IL1RAPL2: variants seen among roughly 807,000 people sequenced by gnomAD.
The protein encoded by IL1RAPL2 is interleukin 1 receptor accessory protein like 2.
A neutral mutation model predicts 44.1 loss-of-function variants in IL1RAPL2; 3 were observed. The observed-to-expected ratio is 0.07, with a 90% CI of 0.03 to 0.18. The LOEUF (loss-of-function observed/expected upper bound fraction) is 0.18. IL1RAPL2 is among the 10% of genes least tolerant of loss of function. The pLI is 1.00. For synonymous variants in IL1RAPL2, 181 were observed against 178.8 expected, an observed-to-expected ratio of 1.01 and a Z score of -0.10; for missense variants, 391 against 496.4, an observed-to-expected ratio of 0.79 and a Z score of 2.02.
chrX:105,708,659 T>C (rs771258920), intron 6 of IL1RAPL2, among the ~76,000 whole-genome samples: 27 of 112,044 alleles, frequency 2.4e-4, no homozygotes, highest in African/African-American at 8.4e-4. Flanking sequence ...TTTACTACTC[T>C]CTTGTCTAGC....
intron 6 of IL1RAPL2, among the ~76,000 whole-genome samples, chrX:105,597,400 G>A (rs780885783): frequency 9.0e-6 from 1 of 111,483 alleles, no homozygotes; most frequent in Admixed American, 9.6e-5. Context: ...AAAGAGAAAA[G>A]ATTTAATTGG....
At chrX:104,940,124 G>A (rs1413647064) in intron 2 of IL1RAPL2, among the ~76,000 whole-genome samples, 1 of 111,683 alleles carries the variant, frequency 9.0e-6, no homozygotes, top group Admixed American at 9.5e-5. Context: ...TCTCAATAAA[G>A]CTGATAAAAA....
At chrX:104,929,742 G>T (rs1051861321) in intron 2 of IL1RAPL2, among the ~76,000 whole-genome samples, 15 of 110,995 alleles carry the variant, frequency 1.4e-4, no homozygotes, top group Non-Finnish European at 2.6e-4. Flanking sequence ...AGATCTGCTT[G>T]GTATCTCCAT....
chrX:105,221,965 T>C (rs1452351928), intron 3 of IL1RAPL2, among the ~76,000 whole-genome samples: 1 of 111,638 alleles, frequency 9.0e-6, no homozygotes, highest in Non-Finnish European at 1.9e-5. Context: ...CCATGTTTCT[T>C]CTCAAATAAT....
chrX:104,941,650 G>A (rs964827775), intron 2 of IL1RAPL2, among the ~76,000 whole-genome samples: 5 of 111,086 alleles, frequency 4.5e-5, no homozygotes, highest in Non-Finnish European at 7.5e-5. Context: ...TCTGTAGATC[G>A]CCTGTTCACT....
intron 8 of IL1RAPL2, among the ~76,000 whole-genome samples, chrX:105,748,029 T>C (rs774454432): frequency 9.0e-6 from 1 of 111,684 alleles, no homozygotes; most frequent in Non-Finnish European, 1.9e-5. Context: ...GTATTTTTCC[T>C]ATGGACATTG....
chrX:104,622,268 C>T (rs1319008054), intron 1 of IL1RAPL2, among the ~76,000 whole-genome samples: 1 of 109,575 alleles, frequency 9.1e-6, no homozygotes, highest in Non-Finnish European at 1.9e-5. Context: ...TTTTTCCCCT[C>T]CTGGTGTCGG....
intron 6 of IL1RAPL2, among the ~76,000 whole-genome samples, chrX:105,573,139 G>T (rs1327203582): frequency 9.0e-6 from 1 of 111,303 alleles, no homozygotes; most frequent in African/African-American, 3.3e-5. Context: ...GCTCACTACA[G>T]CCTCAACTTC....
chrX:104,632,057 T>G (rs1569285029), intron 1 of IL1RAPL2, among the ~76,000 whole-genome samples: 1 of 111,795 alleles, frequency 8.9e-6, no homozygotes, highest in African/African-American at 3.3e-5. Context: ...GCTTTCTACA[T>G]ATGGCTAGCC....
chrX:104,993,316 T>C (rs2147732908), intron 2 of IL1RAPL2, among the ~76,000 whole-genome samples: 1 of 111,534 alleles, frequency 9.0e-6, no homozygotes, highest in East Asian at 2.8e-4. Context: ...TTTGGCACCC[T>C]CTGTGAATGT....
intron 6 of IL1RAPL2, among the ~76,000 whole-genome samples, chrX:105,624,564 T>A (rs1453294277): frequency 9.0e-6 from 1 of 111,631 alleles, no homozygotes; most frequent in African/African-American, 3.3e-5. Flanking sequence ...CATCTATACA[T>A]AAGTATTGAA....
At chrX:104,993,044 G>A (rs1016351352) in intron 2 of IL1RAPL2, among the ~76,000 whole-genome samples, 2 of 111,246 alleles carry the variant, frequency 1.8e-5, no homozygotes, top group African/African-American at 6.5e-5. Context: ...TCACTTGAAA[G>A]GAAATAAAAG....
At chrX:105,002,442 G>C (rs1202518455) in intron 2 of IL1RAPL2, among the ~76,000 whole-genome samples, 1 of 111,104 alleles carries the variant, frequency 9.0e-6, no homozygotes, top group Non-Finnish European at 1.9e-5. Context: ...TAGCACTTTT[G>C]GGATCTGGAT....
intron 1 of IL1RAPL2, among the ~76,000 whole-genome samples, chrX:104,594,895 A>G (rs1928736085): frequency 8.9e-6 from 1 of 111,927 alleles, no homozygotes; most frequent in Admixed American, 9.5e-5. Context: ...TGGGGAAAAG[A>G]GCAGTGTAGC....
At chrX:104,774,725 A>G (rs1400224815) in intron 2 of IL1RAPL2, among the ~76,000 whole-genome samples, 3 of 112,063 alleles carry the variant, frequency 2.7e-5, no homozygotes, top group South Asian at 3.7e-4. Flanking sequence ...CAAAATTTAC[A>G]TATTCATTGA....
Position 105,604,756 on chromosome X carries a change from A to G in IL1RAPL2, c.773-112611A>G, listed in dbSNP as rs910976524. 7.2e-5 allele frequency among the ~76,000 whole-genome samples: 8 copies of G among 111,436 alleles called. No homozygotes were observed. In the South Asian group the frequency reaches 2.6e-3, roughly 36 times the overall value. ...ATGAGCATACAAGCAAAAATCCCCA[A>G]ATACAAGCACACCAAATCCAATAGC... is the stretch of plus-strand genomic sequence containing the variant. On this transcript the variant is annotated intron_variant, in intron 6 of 10. Coordinates refer to ENST00000372582, the MANE Select transcript of IL1RAPL2 (RefSeq NM_017416.2).
At chrX:104,627,438 A>T (rs1248810063) in intron 1 of IL1RAPL2, among the ~76,000 whole-genome samples, 12 of 109,057 alleles carry the variant, frequency 1.1e-4, no homozygotes, top group Non-Finnish European at 1.3e-4. Context: ...CATATGTAAC[A>T]AACCTGCACA....
intron 2 of IL1RAPL2, among the ~76,000 whole-genome samples, chrX:105,035,581 T>C (rs1257823586): frequency 8.9e-6 from 1 of 112,462 alleles, no homozygotes; most frequent in Non-Finnish European, 1.9e-5. Flanking sequence ...CATGGTTTAA[T>C]GTAGCTTTAT....
intron 10 of IL1RAPL2, among the ~76,000 whole-genome samples, chrX:105,765,885 G>A (rs910920989): frequency 2.7e-5 from 3 of 112,431 alleles, no homozygotes; most frequent in African/African-American, 9.7e-5. Context: ...GACAAATGTT[G>A]CTATGCTTCT....
Sources: allele counts gnomAD v4.1 joint callset (sites outside exome capture counted in the v4.1 genomes callset), GRCh38; gene constraint gnomAD v4.1.1; transcripts MANE v1.5; gene names NCBI Gene and HGNC (gene_info 2026-07-23, HGNC 2026-07-21).